Variants in STXBP5L observed in about 807,000 individuals in gnomAD.
STXBP5L encodes syntaxin binding protein 5L.
A neutral mutation model predicts 144.5 loss-of-function variants in STXBP5L; 65 were observed. That is an observed-to-expected ratio of 0.45 (90% confidence interval 0.37 to 0.55). STXBP5L has a LOEUF of 0.55. Ranked by LOEUF, STXBP5L falls within the 20% of genes least tolerant of loss-of-function variation. The pLI, the probability that STXBP5L is intolerant of heterozygous loss-of-function variation, is 0.00. For missense variants in STXBP5L, 1,298 were observed against 1,405.5 expected, an observed-to-expected ratio of 0.92 and a Z score of 1.22; for synonymous variants, 505 against 469.6, an observed-to-expected ratio of 1.08 and a Z score of -0.97.
intron 15 of STXBP5L, among the ~76,000 whole-genome samples, chr3:121,252,863 T>A (rs189715941): frequency 2.7e-4 from 41 of 152,226 alleles, no homozygotes; most frequent in African/African-American, 9.4e-4. Flanking sequence ...TGAGGTTTCA[T>A]GAGACTGAAG....
At chr3:121,058,393 G>A (rs1292476407) in intron 5 of STXBP5L, among the ~76,000 whole-genome samples, 2 of 152,170 alleles carry the variant, frequency 1.3e-5, no homozygotes, top group African/African-American at 2.4e-5. Context: ...CATTTGGGTT[G>A]GTTGCAAGTC....
At chr3:121,366,991 A>G (rs1455637965) in intron 20 of STXBP5L, among the ~76,000 whole-genome samples, 3 of 152,196 alleles carry the variant, frequency 2.0e-5, no homozygotes, top group Non-Finnish European at 2.9e-5. Flanking sequence ...AATTGATACC[A>G]GCTTAACTTC....
intron 3 of STXBP5L, among the ~76,000 whole-genome samples, chr3:120,996,334 A>C (rs568134572): frequency 4.9e-4 from 75 of 152,070 alleles, no homozygotes; most frequent in Admixed American, 2.2e-3. Context: ...TTTTTAATTT[A>C]AAAATTTAAA....
At chr3:121,138,730 T>A (rs9827836) in intron 7 of STXBP5L, among the ~76,000 whole-genome samples, 56,903 of 151,858 alleles carry the variant, frequency 0.37, 10,860 homozygotes, top group Non-Finnish European at 0.4. Context: ...CATGAGACAC[T>A]CTTTTCTCAC....
At position 121,405,453 on chromosome 3, in the gene STXBP5L, C is replaced by T. The variant is rs549781628; in HGVS notation, c.2588-1790C>T. Among the ~76,000 whole-genome samples the T allele has an allele frequency of 2.4e-4, 37 of 152,118 alleles. No homozygotes were observed. The South Asian group carries it at 7.1e-3, about 29-fold the overall frequency. Reference sequence around the variant, plus strand: ...TTATTCACCACTATATTGACTATGACTAAAATAGAGCCTAGAGCACATAGA... The same window carrying T: ...TTATTCACCACTATATTGACTATGATTAAAATAGAGCCTAGAGCACATAGA... On this transcript the variant is annotated intron_variant, in intron 22 of 26. Coordinates refer to ENST00000471454, the MANE Select transcript of STXBP5L (RefSeq NM_001308330.2).
chr3:121,329,584 G>A (rs539581291), intron 20 of STXBP5L, among the ~76,000 whole-genome samples: 63 of 152,190 alleles, frequency 4.1e-4, no homozygotes, highest in Non-Finnish European at 6.9e-4. Flanking sequence ...AGTAGGGGTG[G>A]GACGGGTGGC....
chr3:120,976,332 A>G (rs942896385), intron 3 of STXBP5L, among the ~76,000 whole-genome samples: 1 of 152,156 alleles, frequency 6.6e-6, no homozygotes, highest in African/African-American at 2.4e-5. Flanking sequence ...TTATTTGTGT[A>G]GAGGTGTTTG....
chr3:121,326,721 T>C (rs1414968322), intron 20 of STXBP5L, among the ~76,000 whole-genome samples: 1 of 152,022 alleles, frequency 6.6e-6, no homozygotes, highest in Non-Finnish European at 1.5e-5. Flanking sequence ...TTCTTACACT[T>C]AATTGTGTGC....
At chr3:121,390,462 G>T (rs1310287629) in intron 22 of STXBP5L, among the ~76,000 whole-genome samples, 1 of 152,144 alleles carries the variant, frequency 6.6e-6, no homozygotes, top group African/African-American at 2.4e-5. Flanking sequence ...CCCATTCATT[G>T]ATTCAGTTTC....
At chr3:121,008,419 A>G (rs114672215) in intron 3 of STXBP5L, among the ~76,000 whole-genome samples, 1,725 of 152,126 alleles carry the variant, frequency 0.011, 16 homozygotes, top group Middle Eastern at 0.02. Flanking sequence ...GACTAAATTT[A>G]TATAGACAGG....
At chr3:121,364,629 T>C (rs1375708531) in intron 20 of STXBP5L, among the ~76,000 whole-genome samples, 1 of 152,070 alleles carries the variant, frequency 6.6e-6, no homozygotes. Flanking sequence ...ATTTTTTCAG[T>C]AATGTTTTAT....
intron 18 of STXBP5L, among the ~76,000 whole-genome samples, chr3:121,266,529 G>T (rs543014073): frequency 1.3e-5 from 2 of 152,278 alleles, no homozygotes; most frequent in Non-Finnish European, 2.9e-5. Flanking sequence ...ATACTCAATA[G>T]GCACAAGCTG....
intron 20 of STXBP5L, among the ~76,000 whole-genome samples, chr3:121,322,391 T>C (rs1019533668): frequency 6.7e-6 from 1 of 148,964 alleles, no homozygotes; most frequent in Non-Finnish European, 1.5e-5. Context: ...GGCAGGAGAA[T>C]CACTTGAACC....
intron 5 of STXBP5L, among the ~76,000 whole-genome samples, chr3:121,077,632 G>A (rs550025634): frequency 1.3e-5 from 2 of 152,096 alleles, no homozygotes; most frequent in African/African-American, 4.8e-5. Context: ...TCTCTTAACT[G>A]GCCCCACCCA....
At chr3:121,085,751 A>G (rs2042460129) in intron 5 of STXBP5L, among the ~76,000 whole-genome samples, 1 of 152,240 alleles carries the variant, frequency 6.6e-6, no homozygotes, top group African/African-American at 2.4e-5. Flanking sequence ...ATATTGCCTA[A>G]AGCAATTTAT....
chr3:121,011,028 A>G (rs1476433201), intron 3 of STXBP5L, among the ~76,000 whole-genome samples: 1 of 150,622 alleles, frequency 6.6e-6, no homozygotes, highest in Non-Finnish European at 1.5e-5. Flanking sequence ...GTAGGGGAAT[A>G]TAATCATTTG....
intron 3 of STXBP5L, among the ~76,000 whole-genome samples, chr3:121,023,488 C>G (rs1049506118): frequency 6.6e-6 from 1 of 152,130 alleles, no homozygotes. Context: ...TATCCCATTG[C>G]AAACTACACT....
intron 9 of STXBP5L, among the ~76,000 whole-genome samples, chr3:121,184,661 AC>A (rs1317165058): frequency 6.6e-6 from 1 of 152,174 alleles, no homozygotes; most frequent in East Asian, 1.9e-4. Context: ...ATCCAGGAGA[AC>A]TTCCCCAACC....
chr3:121,113,666 C>CTTTTTTTTTTTTTTTT (rs1273804231), intron 5 of STXBP5L, among the ~76,000 whole-genome samples: 31 of 132,892 alleles, frequency 2.3e-4, no homozygotes, highest in African/African-American at 4.2e-4. Flanking sequence ...ATTCTTTTTT[C>CTTTTTTTTTTTTTTTT]TTTTTCTTTT....
Sources: gnomAD v4.1 joint callset for allele counts (sites outside exome capture counted in the v4.1 genomes callset) on GRCh38, gnomAD v4.1.1 for gene constraint, MANE v1.5 for transcripts, NCBI Gene and HGNC (gene_info 2026-07-23, HGNC 2026-07-21) for gene names.